LRFN2: variants seen among roughly 807,000 people sequenced by gnomAD.
LRFN2 encodes the protein leucine rich repeat and fibronectin type III domain containing 2.
In LRFN2, 18 loss-of-function variants were observed where a neutral mutation model predicts 37.3. That is an observed-to-expected ratio of 0.48 (90% CI 0.33 to 0.72). The LOEUF is 0.72. Among genes scored for constraint, LRFN2 ranks in the 30% least tolerant of loss-of-function variants. The probability of loss-of-function intolerance (pLI) is 0.02; values close to 1 mark genes in which losing one functional copy is unlikely to be tolerated. For synonymous variants in LRFN2, 556 were observed against 466.6 expected (o/e 1.19, Z -2.47); for missense variants, 1,006 against 1,060.7 (o/e 0.95, Z 0.72).
intron 1 of LRFN2, among the ~76,000 whole-genome samples, chr6:40,436,701 C>T (rs1763686488): frequency 6.6e-6 from 1 of 152,188 alleles, no homozygotes; most frequent in African/African-American, 2.4e-5. Flanking sequence ...AGCTTTCCAC[C>T]TGCCACCTTT....
chr6:40,569,415 A>G (rs928882574), intron 1 of LRFN2, among the ~76,000 whole-genome samples: 11 of 152,190 alleles, frequency 7.2e-5, no homozygotes, highest in Non-Finnish European at 1.5e-4. Context: ...CCAGAGGCCA[A>G]CAGGGTGTGG....
chr6:40,575,990 G>A (rs1767270139), intron 1 of LRFN2, among the ~76,000 whole-genome samples: 2 of 152,156 alleles, frequency 1.3e-5, no homozygotes, highest in Admixed American at 6.5e-5. Context: ...CTCACAGCAA[G>A]CATTCAATAC....
intron 1 of LRFN2, among the ~76,000 whole-genome samples, chr6:40,580,750 G>T (rs1349785751): frequency 6.6e-6 from 1 of 152,196 alleles, no homozygotes; most frequent in African/African-American, 2.4e-5. Context: ...CAGTGCAGTG[G>T]AAAAAGGGAG....
intron 1 of LRFN2, among the ~76,000 whole-genome samples, chr6:40,568,689 TTCC>T (rs1767134389): frequency 1.8e-5 from 1 of 54,088 alleles, no homozygotes. Flanking sequence ...CCCCATTTCC[TTCC>T]TTCCTTCCTT....
At chr6:40,427,778 A>G (rs1197939972) in intron 2 of LRFN2, among the ~76,000 whole-genome samples, 1 of 152,198 alleles carries the variant, frequency 6.6e-6, no homozygotes, top group Non-Finnish European at 1.5e-5. Context: ...TGTCTTAGGC[A>G]TCTCTCTGTC....
chr6:40,476,702 C>T (rs1334727674), intron 1 of LRFN2, among the ~76,000 whole-genome samples: 1 of 152,278 alleles, frequency 6.6e-6, no homozygotes, highest in Non-Finnish European at 1.5e-5. Flanking sequence ...CCAGCATAGG[C>T]TCCATGGGAA....
intron 2 of LRFN2, among the ~76,000 whole-genome samples, chr6:40,429,114 T>C (rs1482132573): frequency 6.6e-6 from 1 of 152,244 alleles, no homozygotes; most frequent in Non-Finnish European, 1.5e-5. Context: ...TCACCATTGT[T>C]AGCTGCATTT....
rs370582549 is a variant in LRFN2 at position 40,574,440 on chromosome 6, T to C, written c.-19+12501A>G. Among the ~76,000 whole-genome samples, 22 of 152,002 alleles carry C rather than the reference T, an allele frequency of 1.4e-4. No individual in the cohort carries two copies. In the East Asian group the frequency reaches 3.9e-3, roughly 27 times the overall value. Reference sequence around the variant, plus strand: ...ATTCCTCTCACATATCAACTGCTCATCAAGTAGCAGCTGTTAATAAGAAAA... The same window carrying C: ...ATTCCTCTCACATATCAACTGCTCACCAAGTAGCAGCTGTTAATAAGAAAA... On this transcript the variant is annotated intron_variant, in intron 1 of 2. Transcript: ENST00000338305.
In LRFN2 at chr6:40,431,951, C is replaced by T. The variant is rs148386118; in HGVS notation, c.1163G>A (p.Arg388His). 2.1e-4 allele frequency: 341 copies of T among 1,613,436 alleles called. 1 individual carries two copies. The highest frequency in any genetic ancestry group is 1.9e-3 in the Admixed American group (116 of 60,012). Residue 388 changes from arginine to histidine, a missense_variant, in exon 2 of 3, where the codon CGC (arginine) becomes CAC (histidine). Physicochemically the swap from Arg to His is conservative, Grantham distance 29. Around this residue, in one of 4 missense-constraint regions of LRFN2, gnomAD observed 303 missense variants for 299.8 expected, o/e 1.01. Coordinates refer to ENST00000338305, the MANE Select transcript of LRFN2 (RefSeq NM_020737.3). ...GAGGCGGGACTTGGGGGGTGCAGTG[C>T]GGCTGGTGCTGTTGCTGAGGTGTGG... ...QLPHLSNSTS[R>H]TAPPKSRLSD...
chr6:40,477,911 A>G (rs562619119), intron 1 of LRFN2, among the ~76,000 whole-genome samples: 2 of 152,362 alleles, frequency 1.3e-5, no homozygotes, highest in East Asian at 3.9e-4. Flanking sequence ...AGACAATGCC[A>G]CAAGATGTTG....
chr6:40,525,147 C>T (rs951900081), intron 1 of LRFN2, among the ~76,000 whole-genome samples: 13 of 152,226 alleles, frequency 8.5e-5, no homozygotes, highest in Non-Finnish European at 1.5e-4. Context: ...CTGGCCCTGG[C>T]TCTGCTGTCC....
At chr6:40,440,959 C>A (rs1265415122) in intron 1 of LRFN2, among the ~76,000 whole-genome samples, 3 of 152,170 alleles carry the variant, frequency 2.0e-5, no homozygotes, top group Admixed American at 6.5e-5. Flanking sequence ...GAGCAAACTT[C>A]TTAATTATAA....
chr6:40,486,448 G>A (rs1022432128), intron 1 of LRFN2, among the ~76,000 whole-genome samples: 11 of 152,156 alleles, frequency 7.2e-5, no homozygotes, highest in African/African-American at 2.4e-4. Flanking sequence ...TGGGGAATTC[G>A]GCAGTTAGTG....
intron 2 of LRFN2, among the ~76,000 whole-genome samples, chr6:40,424,486 C>G (rs558038702): frequency 2.6e-5 from 4 of 152,130 alleles, no homozygotes; most frequent in African/African-American, 9.7e-5. Context: ...GTAAAATCTA[C>G]GCAATCTGTT....
intron 1 of LRFN2, among the ~76,000 whole-genome samples, chr6:40,584,711 T>C (rs1767469859): frequency 6.6e-6 from 1 of 152,130 alleles, no homozygotes; most frequent in Admixed American, 6.5e-5. Flanking sequence ...GCCAGGAGCT[T>C]ATAAGCCTCT....
intron 1 of LRFN2, among the ~76,000 whole-genome samples, chr6:40,525,920 C>A (rs149059477): frequency 1.3e-5 from 2 of 152,304 alleles, no homozygotes; most frequent in South Asian, 4.2e-4. Flanking sequence ...ATGAACCCCC[C>A]TCAGAGGGCC....
At chr6:40,450,981 C>T (rs1764089221) in intron 1 of LRFN2, among the ~76,000 whole-genome samples, 3 of 152,190 alleles carry the variant, frequency 2.0e-5, no homozygotes, top group South Asian at 4.1e-4. Context: ...CTATAGGTGC[C>T]ACTCACCTCA....
chr6:40,520,645 A>C (rs1267454934), intron 1 of LRFN2, among the ~76,000 whole-genome samples: 2 of 152,146 alleles, frequency 1.3e-5, no homozygotes, highest in African/African-American at 4.8e-5. Context: ...GAGGACGAGC[A>C]GCTGGCTTTG....
chr6:40,585,327 C>G (rs1396612958), intron 1 of LRFN2, among the ~76,000 whole-genome samples: 2 of 152,272 alleles, frequency 1.3e-5, no homozygotes, highest in African/African-American at 4.8e-5. Flanking sequence ...AGATGCAACT[C>G]TGCACTCCCA....
Sources: allele counts gnomAD v4.1 joint callset (sites outside exome capture counted in the v4.1 genomes callset), GRCh38; gene constraint gnomAD v4.1.1; regional missense constraint gnomAD v4.1.1; transcripts MANE v1.5; gene names NCBI Gene and HGNC (gene_info 2026-07-23, HGNC 2026-07-21).